The following UTRN variants were observed in gnomAD, a reference collection of about 807,000 sequenced individuals.
UTRN encodes the protein dystrophin-related protein 1.
A neutral mutation model predicts 463.9 loss-of-function variants in UTRN; 283 were observed. The observed-to-expected ratio is 0.61, with a 90% CI of 0.55 to 0.67. UTRN has a LOEUF of 0.67. Ranked by LOEUF, UTRN falls within the 30% of genes least tolerant of loss-of-function variation. UTRN has a pLI of 0.00. For synonymous variants in UTRN, 1,442 were observed against 1,431.5 expected, an observed-to-expected ratio of 1.01 and a Z score of -0.17; for missense variants, 3,922 against 4,084.3, an observed-to-expected ratio of 0.96 and a Z score of 1.08.
chr6:144,681,339 C>G (rs1473956618), intron 52 of UTRN, among the ~76,000 whole-genome samples: 1 of 152,014 alleles, frequency 6.6e-6, no homozygotes, highest in Non-Finnish European at 1.5e-5. Context: ...CCAAGAAACT[C>G]TAATACATAA....
intron 1 of UTRN, among the ~76,000 whole-genome samples, chr6:144,288,302 A>G (rs1803880899): frequency 6.6e-6 from 1 of 152,258 alleles, no homozygotes; most frequent in Non-Finnish European, 1.5e-5. Flanking sequence ...ATAGTGAAGA[A>G]GTGTTACTGA....
chr6:144,521,932 AAG>A, intron 39 of UTRN, 46 bp from the exon 40 acceptor site: 11 of 1,117,830 alleles, frequency 9.8e-6, no homozygotes, highest in Middle Eastern at 6.7e-4. Context: ...GGGGTATTTT[AAG>A]AGATATATAT....
intron 51 of UTRN, among the ~76,000 whole-genome samples, chr6:144,658,892 C>G (rs1272712263): frequency 6.6e-6 from 1 of 152,158 alleles, no homozygotes; most frequent in Non-Finnish European, 1.5e-5. Flanking sequence ...AATTTAACAT[C>G]AAAATGGAAG....
At chr6:144,367,736 G>GAAAAATCCT (rs1474820299) in intron 2 of UTRN, among the ~76,000 whole-genome samples, 3 of 152,088 alleles carry the variant, frequency 2.0e-5, no homozygotes, top group Non-Finnish European at 4.4e-5. Flanking sequence ...GCGACCAGGA[G>GAAAAATCCT]AAAAATCCTA....
In UTRN at chr6:144,438,710, G is replaced by A. The variant is rs192235112; in HGVS notation, c.1242-35G>A. On this transcript the variant is annotated intron_variant, in intron 11 of 74. Coordinates refer to ENST00000367545, the MANE Select transcript of UTRN (RefSeq NM_007124.3). ...ATATTTGACTTTGCAAAGGGAAAAG[G>A]CTTGTAGGAATAATGCTGTGTTCCC... 1.7e-3 allele frequency: 2,798 copies of A among 1,611,984 alleles called. 8 individuals are homozygous for A. Among genetic ancestry groups the A allele is most frequent in the Admixed American group, 3.8e-3 (226 of 59,852 alleles).
At chr6:144,337,179 A>AC (rs1491489920) in intron 2 of UTRN, among the ~76,000 whole-genome samples, 1 of 125,732 alleles carries the variant, frequency 8.0e-6, no homozygotes, top group Non-Finnish European at 1.7e-5. Context: ...ACACACACAG[A>AC]CACACACACA....
At chr6:144,467,528 C>T (rs987785450) in intron 23 of UTRN, among the ~76,000 whole-genome samples, 2 of 152,144 alleles carry the variant, frequency 1.3e-5, no homozygotes, top group African/African-American at 4.8e-5. Flanking sequence ...TCCTAAGTGG[C>T]AGGACACCTG....
In UTRN at chr6:144,827,587, T is replaced by G; in HGVS notation, c.9534-24T>G. 5 of 1,612,978 alleles carry G rather than the reference T, an allele frequency of 3.1e-6. No homozygotes were observed. The Middle Eastern group carries it at 8.3e-4, about 266-fold the overall frequency. ...CTATCAATATTTGGGCATAAAATTA[T>G]TGCTTTGTTTTTTTCTTTTAAAGCC... On this transcript the variant is annotated intron_variant, in intron 67 of 74. Transcript: ENST00000367545.
At chr6:144,547,773 C>CA (rs1196182800) in intron 46 of UTRN, among the ~76,000 whole-genome samples, 31 of 152,052 alleles carry the variant, frequency 2.0e-4, no homozygotes, top group African/African-American at 7.0e-4. Context: ...ATTCCTCTAT[C>CA]AAAAAATAAT....
intron 51 of UTRN, among the ~76,000 whole-genome samples, chr6:144,654,993 T>C (rs1779183666): frequency 6.6e-6 from 1 of 152,208 alleles, no homozygotes; most frequent in South Asian, 2.1e-4. Context: ...TTATGTGTTA[T>C]AGAAAATATA....
At chr6:144,449,087 ATTCT>A (rs1459270234) in intron 17 of UTRN, among the ~76,000 whole-genome samples, 2 of 151,954 alleles carry the variant, frequency 1.3e-5, no homozygotes, top group East Asian at 1.9e-4. Context: ...CTGTCTTTTT[ATTCT>A]TTCTTTCACT....
At chr6:144,462,491 C>T (rs1283234600) in intron 22 of UTRN, among the ~76,000 whole-genome samples, 163 bp from the exon 23 acceptor site, 2 of 152,178 alleles carry the variant, frequency 1.3e-5, no homozygotes, top group Non-Finnish European at 2.9e-5. Context: ...ACACTGTCTT[C>T]CACAGTGGTT....
In UTRN at chr6:144,644,522, A is replaced by G. The variant is rs577368256; in HGVS notation, c.7480-33884A>G. On this transcript the variant is annotated intron_variant, in intron 51 of 74. Coordinates refer to ENST00000367545, the MANE Select transcript of UTRN (RefSeq NM_007124.3). ...TTCTAAAAATGGAGATAATTATGACAGCCATAAAATATAAAGTATATGGAA... is the reference window on the plus strand; with the variant it reads ...TTCTAAAAATGGAGATAATTATGACGGCCATAAAATATAAAGTATATGGAA... Among the ~76,000 whole-genome samples, 7 of 152,330 alleles carry G rather than the reference A, an allele frequency of 4.6e-5. No homozygotes were observed. The East Asian group carries it at 1.4e-3, about 29-fold the overall frequency.
In UTRN at chr6:144,437,721, G is replaced by T. The variant is rs376388997; in HGVS notation, c.1216G>T (p.Val406Leu). 60 of 1,613,774 alleles carry T rather than the reference G, an allele frequency of 3.7e-5. No individual in the cohort carries two copies. The African/African-American group carries it at 4.8e-4, about 13-fold the overall frequency. Residue 406 changes from valine to leucine, a missense_variant, in exon 11 of 75, where the codon GTG (valine) becomes TTG (leucine). Val to Leu is a conservative substitution (Grantham distance 32). Transcript: ENST00000367545. Reference sequence around the variant, plus strand: ...GAATGCTAGATGGGAGGCTCTTAGGGTGGAGAGTATGGACAGACAGTCCCG... The same window carrying T: ...GAATGCTAGATGGGAGGCTCTTAGGTTGGAGAGTATGGACAGACAGTCCCG... Reference protein sequence around the residue: ...LLNARWEALRVESMDRQSRLH... With the variant: ...LLNARWEALRLESMDRQSRLH...
intron 1 of UTRN, among the ~76,000 whole-genome samples, chr6:144,291,532 A>C (rs1251753690): frequency 1.3e-5 from 2 of 152,246 alleles, no homozygotes; most frequent in African/African-American, 4.8e-5. Flanking sequence ...ATAATTCATT[A>C]TGTAATTAAT....
At chr6:144,371,832 C>T (rs200111049) in intron 2 of UTRN, among the ~76,000 whole-genome samples, 7 of 152,064 alleles carry the variant, frequency 4.6e-5, no homozygotes, top group East Asian at 1.9e-4. Flanking sequence ...AGAGTGGGTG[C>T]GTAGGGCTGG....
At chr6:144,296,127 G>T (rs1357951187) in intron 2 of UTRN, among the ~76,000 whole-genome samples, 1 of 152,140 alleles carries the variant, frequency 6.6e-6, no homozygotes, top group Non-Finnish European at 1.5e-5. Context: ...CACTAGAACA[G>T]GGCTCCCCAA....
chr6:144,461,485 G>T, intron 22 of UTRN, 143 bp downstream of exon 22: 1 of 992,388 alleles, frequency 1.0e-6, no homozygotes, highest in East Asian at 3.0e-5. Flanking sequence ...ATGATTTGAG[G>T]GTTAGTTTGA....
At chr6:144,477,554 A>ACACACACG (rs1562460281) in intron 25 of UTRN, among the ~76,000 whole-genome samples, 1 of 151,460 alleles carries the variant, frequency 6.6e-6, no homozygotes, top group Non-Finnish European at 1.5e-5. Flanking sequence ...ACACACACAC[A>ACACACACG]CACACACGCA....
Sources: allele counts gnomAD v4.1 joint callset (sites outside exome capture counted in the v4.1 genomes callset), GRCh38; gene constraint gnomAD v4.1.1; transcripts MANE v1.5; gene names NCBI Gene and HGNC (gene_info 2026-07-23, HGNC 2026-07-21).